ACACA: variants seen among roughly 807,000 people sequenced by gnomAD.
ACACA encodes the protein acetyl-CoA carboxylase 1.
A neutral mutation model predicts 296.1 loss-of-function variants in ACACA; 103 were observed. The observed-to-expected ratio is 0.35, with a 90% CI of 0.30 to 0.41. The LOEUF is 0.41. Ranked by LOEUF, ACACA falls within the 10% of genes least tolerant of loss-of-function variation. The probability of loss-of-function intolerance (pLI) is 1.00; values close to 1 mark genes in which losing one functional copy is unlikely to be tolerated. For synonymous variants in ACACA, 953 were observed against 1,038.6 expected (o/e 0.92, Z 1.58); for missense variants, 1,554 against 2,989.7 (o/e 0.52, Z 11.20).
intron 45 of ACACA, 137 bp from the exon 46 acceptor site, chr17:37,130,355 G>A: frequency 9.5e-7 from 1 of 1,053,226 alleles, no homozygotes; most frequent in Non-Finnish European, 1.4e-6. Flanking sequence ...TGTTCTGAGG[G>A]ACTATCTGAA....
chr17:37,213,513 A>G (rs929864621), intron 29 of ACACA, among the ~76,000 whole-genome samples: 2 of 152,230 alleles, frequency 1.3e-5, no homozygotes, highest in Non-Finnish European at 2.9e-5. Flanking sequence ...GATGAATATT[A>G]GAACCACTTT....
At chr17:37,265,444 G>A (rs897929663) in intron 10 of ACACA, among the ~76,000 whole-genome samples, 2 of 152,130 alleles carry the variant, frequency 1.3e-5, no homozygotes, top group African/African-American at 4.8e-5. Context: ...CATGAGTCAT[G>A]TCCAGAAGAA....
At chr17:37,380,217 T>C (rs1027659617) in intron 1 of ACACA, among the ~76,000 whole-genome samples, 3 of 140,918 alleles carry the variant, frequency 2.1e-5, no homozygotes, top group African/African-American at 8.0e-5. Flanking sequence ...TAGGTGGGAA[T>C]TGAACAATGA....
chr17:37,111,747 C>A, intron 51 of ACACA, 104 bp from the exon 52 acceptor site: 1 of 870,118 alleles, frequency 1.1e-6, no homozygotes, highest in Non-Finnish European at 1.9e-6. Context: ...GAAATAGCTT[C>A]ATTATCATTT....
rs745813801 is a variant in ACACA at position 37,330,274 on chromosome 17, C to T, written c.237G>A (p.Leu79=). 1.2e-6 allele frequency: 2 copies of T among 1,614,172 alleles called. No individual in the cohort carries two copies. The highest frequency in any genetic ancestry group is 1.7e-6 in the Non-Finnish European group (2 of 1,180,038). ...GTGACAAGGAGCCCTCCTTCTCCTC[C>T]AGTAGGTCCAACTTCACCAGGTTGC... ...EISNLVKLDL[L]EEKEGSLSPA... Residue 79 remains leucine (L), a synonymous_variant, in exon 3 of 56, where the codon CTG becomes CTA. Transcript: ENST00000616317.
intron 3 of ACACA, among the ~76,000 whole-genome samples, chr17:37,320,299 G>T (rs2047290861): frequency 6.6e-6 from 1 of 151,958 alleles, no homozygotes; most frequent in South Asian, 2.1e-4. Flanking sequence ...ATCACCTGAG[G>T]TCAGGAGTTC....
At chr17:37,120,306 C>T (rs553951913) in intron 50 of ACACA, among the ~76,000 whole-genome samples, 15 of 152,162 alleles carry the variant, frequency 9.9e-5, no homozygotes, top group Non-Finnish European at 1.3e-4. Flanking sequence ...TACCCTTTTG[C>T]CCAGGCTAAA....
At chr17:37,200,398 T>C (rs955600398) in intron 34 of ACACA, 29 bp downstream of exon 34, 2 of 1,572,936 alleles carry the variant, frequency 1.3e-6, no homozygotes, top group African/African-American at 2.7e-5. Context: ...ATAAGAAATA[T>C]TAAAGAGGTA....
chr17:37,138,576 T>C (rs972809999), intron 45 of ACACA, among the ~76,000 whole-genome samples: 1 of 152,230 alleles, frequency 6.6e-6, no homozygotes, highest in Non-Finnish European at 1.5e-5. Flanking sequence ...GTGCTCTAAA[T>C]GCACAAAGAG....
chr17:37,199,307 C>T (rs1377298754), intron 35 of ACACA, among the ~76,000 whole-genome samples: 1 of 151,100 alleles, frequency 6.6e-6, no homozygotes, highest in Non-Finnish European at 1.5e-5. Context: ...TAGTTAGCTA[C>T]ATTAGAATCA....
In ACACA at chr17:37,087,389, G is replaced by A. The variant is rs769667328; in HGVS notation, c.7079C>T (p.Thr2360Met). Residue 2360 changes from threonine (T) to methionine (M), a missense_variant, in exon 56 of 56, where the codon ACG becomes ATG. This residue lies in a region of ACACA where 553 missense variants were observed against 1,043.6 expected (regional missense o/e 0.53). Transcript: ENST00000616317. ...EVAMDSIIHM[T>M]QHISPTQRAE... ...TCGCTGAGTGGGTGATATGTGCTGCGTCATATGGATGATGGAATCCATGGC... is the reference window on the plus strand; with the variant it reads ...TCGCTGAGTGGGTGATATGTGCTGCATCATATGGATGATGGAATCCATGGC... 5.0e-6 allele frequency: 8 copies of A among 1,613,918 alleles called. No homozygotes were observed. In the South Asian group the frequency reaches 5.5e-5, roughly 11 times the overall value.
chr17:37,366,616 C>G (rs2049614735), intron 1 of ACACA, among the ~76,000 whole-genome samples: 1 of 151,818 alleles, frequency 6.6e-6, no homozygotes, highest in South Asian at 2.1e-4. Flanking sequence ...TTACAGGCAC[C>G]TGCCACCACG....
intron 3 of ACACA, chr17:37,289,345 T>C (rs970696536): frequency 5.0e-5 from 35 of 704,066 alleles, no homozygotes; most frequent in Non-Finnish European, 6.7e-5. Context: ...CTCAGTAAAG[T>C]TGGCTTTTAA....
At chr17:37,168,655 G>A (rs1054814596) in intron 41 of ACACA, among the ~76,000 whole-genome samples, 1 of 152,048 alleles carries the variant, frequency 6.6e-6, no homozygotes, top group Non-Finnish European at 1.5e-5. Flanking sequence ...AGAGATAAAT[G>A]TATGAAAATT....
chr17:37,365,902 C>T (rs1355227324), intron 1 of ACACA, among the ~76,000 whole-genome samples: 1 of 152,198 alleles, frequency 6.6e-6, no homozygotes, highest in Non-Finnish European at 1.5e-5. Flanking sequence ...CTCTATACTT[C>T]AGCCAGTTAC....
At chr17:37,142,002 GT>G (rs11380975) in intron 45 of ACACA, among the ~76,000 whole-genome samples, 60,020 of 139,720 alleles carry the variant, frequency 0.43, 12,748 homozygotes, top group East Asian at 0.72. Flanking sequence ...AGTTTTTTTT[GT>G]TTTTTTTTGT....
chr17:37,300,341 C>G (rs1468220379), intron 3 of ACACA, among the ~76,000 whole-genome samples: 1 of 152,066 alleles, frequency 6.6e-6, no homozygotes, highest in Non-Finnish European at 1.5e-5. Flanking sequence ...CTGTTTTTAG[C>G]TTTTACTTAA....
chr17:37,336,833 A>C (rs1230439366), intron 2 of ACACA, among the ~76,000 whole-genome samples: 1 of 152,234 alleles, frequency 6.6e-6, no homozygotes, highest in Non-Finnish European at 1.5e-5. Flanking sequence ...GTGTTCCTTG[A>C]CATCAGATGA....
chr17:37,340,362 T>C lies in ACACA; in HGVS notation c.39-512A>G, dbSNP rs868179054. On this transcript the variant is annotated intron_variant, in intron 1 of 55. Coordinates refer to ENST00000616317, the MANE Select transcript of ACACA (RefSeq NM_198834.3). ...ACTCCCCAAATCCTCGGTTTCCTTC[T>C]TAAGCCTGACAATTTAAATCTATCT... is the stretch of plus-strand genomic sequence containing the variant. 1.8e-4 allele frequency among the ~76,000 whole-genome samples: 27 copies of C among 152,336 alleles called. No individual in the cohort carries two copies. In the Middle Eastern group the frequency reaches 0.01, roughly 58 times the overall value.
Sources: allele counts gnomAD v4.1 joint callset (sites outside exome capture counted in the v4.1 genomes callset), GRCh38; gene constraint gnomAD v4.1.1; regional missense constraint gnomAD v4.1.1; transcripts MANE v1.5; gene names NCBI Gene and HGNC (gene_info 2026-07-23, HGNC 2026-07-21).